MSI2: variants seen among roughly 807,000 people sequenced by gnomAD.
The protein encoded by MSI2 is musashi RNA binding protein 2.
A neutral mutation model predicts 45.6 loss-of-function variants in MSI2; 17 were observed. That is an observed-to-expected ratio of 0.37 (90% confidence interval 0.26 to 0.56). MSI2 has a LOEUF of 0.56. Ranked by LOEUF, MSI2 falls within the 20% of genes least tolerant of loss-of-function variation. The pLI is 0.77. For synonymous variants in MSI2, 156 were observed against 158.2 expected (o/e 0.99, Z 0.11); for missense variants, 293 against 444.2 (o/e 0.66, Z 3.06).
In MSI2 at chr17:57,565,301, G is replaced by A. The variant is rs149638034; in HGVS notation, c.455-31567G>A. 1.6e-3 allele frequency among the ~76,000 whole-genome samples: 249 copies of A among 152,232 alleles called. 1 individual carries two copies. The highest frequency in any genetic ancestry group is 0.011 in the South Asian group (54 of 4,816). ...TAGGATAAGCACAGCATCTGAATTC[G>A]GTTCCAGCCGGCCTTCCCAGCCTCA... On this transcript the variant is annotated intron_variant, in intron 7 of 13. Coordinates refer to ENST00000284073, the MANE Select transcript of MSI2 (RefSeq NM_138962.4).
intron 12 of MSI2, among the ~76,000 whole-genome samples, chr17:57,675,471 G>T (rs1209534924): frequency 6.6e-6 from 1 of 152,212 alleles, no homozygotes; most frequent in Admixed American, 6.5e-5. Context: ...TCAAAAGATT[G>T]TGGGAGGATT....
the MSI2 span, among the ~76,000 whole-genome samples, chr17:57,699,040 AGAGAGTGT>A: frequency 1.6e-4 from 5 of 31,368 alleles, 1 homozygote; most frequent in African/African-American, 6.0e-4. Context: ...AGAGAGAGAG[AGAGAGTGT>A]GTGTGTGTGT....
At chr17:57,668,757 G>A (rs1207596861) in intron 11 of MSI2, among the ~76,000 whole-genome samples, 1 of 152,174 alleles carries the variant, frequency 6.6e-6, no homozygotes, top group Admixed American at 6.5e-5. Context: ...CAGTGAAAAA[G>A]AAATCCCATC....
At chr17:57,591,588 A>T (rs1974693) in intron 7 of MSI2, among the ~76,000 whole-genome samples, 1 of 151,850 alleles carries the variant, frequency 6.6e-6, no homozygotes, top group East Asian at 1.9e-4. Context: ...TTAGCCAGGC[A>T]TGGTGGCACA....
intron 5 of MSI2, among the ~76,000 whole-genome samples, chr17:57,333,303 T>C (rs1473714268): frequency 1.3e-5 from 2 of 152,190 alleles, no homozygotes; most frequent in African/African-American, 2.4e-5. Context: ...GACTACTTTT[T>C]GGAATTATTT....
chr17:57,457,917 G>A (rs1199401529), intron 6 of MSI2, among the ~76,000 whole-genome samples: 1 of 151,474 alleles, frequency 6.6e-6, no homozygotes, highest in Non-Finnish European at 1.5e-5. Context: ...TTTAAAAGAA[G>A]AAATAAAATA....
chr17:57,268,075 T>C (rs1907984639), intron 5 of MSI2: 1 of 152,210 alleles, frequency 6.6e-6, no homozygotes. Context: ...ACTTACCTTT[T>C]CTTTGGTTAA....
chr17:57,373,565 A>G (rs1360369985), intron 5 of MSI2, among the ~76,000 whole-genome samples: 1 of 152,238 alleles, frequency 6.6e-6, no homozygotes, highest in African/African-American at 2.4e-5. Flanking sequence ...ATCAGGAGAT[A>G]CACGGAAACC....
Position 57,627,462 on chromosome 17 carries a change from G to A in MSI2, c.727+159G>A. On this transcript the variant is annotated intron_variant, in intron 10 of 13. Transcript: ENST00000284073. This position sits in a 1 kb window ranked among gnomAD's most constrained non-coding sequence, Gnocchi z 4.6. ...CAAATCCACTGAAGTTCAAGGCCAG[G>A]ATGCAGCTCAGAGTTTTTGATTAAC... is the stretch of plus-strand genomic sequence containing the variant. 1.5e-6 allele frequency: 1 copy of A among 680,864 alleles called. No individual in the cohort carries two copies. The highest frequency in any genetic ancestry group is 2.5e-5 in the Admixed American group (1 of 39,894). The allele number at this position is 680,864 out of a possible 1,614,324, so 42.2% of individuals were successfully genotyped here. A position where few individuals can be genotyped will look rare whatever the true frequency, so the allele number is the denominator to read the frequency against.
chr17:57,677,935 C>A (rs996522623), intron 13 of MSI2, among the ~76,000 whole-genome samples: 2 of 152,124 alleles, frequency 1.3e-5, no homozygotes, highest in African/African-American at 4.8e-5. Context: ...ACTGTGTTAG[C>A]ACGTTAAGTT....
intron 11 of MSI2, among the ~76,000 whole-genome samples, chr17:57,673,712 T>C (rs2240602): frequency 1.4e-5 from 2 of 145,562 alleles, no homozygotes; most frequent in Non-Finnish European, 3.0e-5. Flanking sequence ...AATGATGGGA[T>C]TGGGGGGGCC....
chr17:57,323,772 A>G (rs924380948), intron 5 of MSI2, among the ~76,000 whole-genome samples: 2 of 152,268 alleles, frequency 1.3e-5, no homozygotes, highest in African/African-American at 4.8e-5. Flanking sequence ...TAGGTGGATC[A>G]TGGGGTAGCT....
At chr17:57,275,490 G>A (rs1203842982) in intron 5 of MSI2, among the ~76,000 whole-genome samples, 1 of 152,208 alleles carries the variant, frequency 6.6e-6, no homozygotes, top group Non-Finnish European at 1.5e-5. Flanking sequence ...AAGAAGATTG[G>A]TAGAGCTCAG....
At chr17:57,298,844 C>T (rs935950933) in intron 5 of MSI2, among the ~76,000 whole-genome samples, 2 of 152,200 alleles carry the variant, frequency 1.3e-5, no homozygotes, top group Admixed American at 1.3e-4. Context: ...TCCTTTAAAG[C>T]TTTGAAGCCA....
chr17:57,422,424 C>T (rs545804908), intron 6 of MSI2, among the ~76,000 whole-genome samples: 1 of 152,274 alleles, frequency 6.6e-6, no homozygotes, highest in South Asian at 2.1e-4. Context: ...CGCACCACTG[C>T]ACTCCAGCCT....
rs111461890 is a variant in MSI2, at chr17:57,610,450, T to TAA, written c.538-5507_538-5506dup. Reference sequence around the variant, plus strand: ...CTGAGCGACACAGCAAGACTCCGTCTAAAAAAAAAAAAAATTCTACATATA... The same window carrying TAA: ...CTGAGCGACACAGCAAGACTCCGTCTAAAAAAAAAAAAAAAATTCTACATATA... On this transcript the variant is annotated intron_variant, in intron 8 of 13. Transcript: ENST00000284073. Among the ~76,000 whole-genome samples, 68 of 109,570 alleles carry TAA rather than the reference T, an allele frequency of 6.2e-4. 11 individuals carry two copies. The highest frequency in any genetic ancestry group is 2.2e-3 in the African/African-American group (65 of 30,230). 71.9% of individuals were successfully genotyped at this position (109,570 alleles called of 152,430 possible). A position where few individuals can be genotyped will look rare whatever the true frequency, so the allele number is the denominator to read the frequency against.
chr17:57,413,542 T>C (rs1434096703), intron 6 of MSI2, among the ~76,000 whole-genome samples: 1 of 151,994 alleles, frequency 6.6e-6, no homozygotes, highest in Non-Finnish European at 1.5e-5. Flanking sequence ...TGCCTGGAAA[T>C]TGTCCCAGTA....
At chr17:57,512,885 C>A (rs2086384720) in intron 6 of MSI2, among the ~76,000 whole-genome samples, 1 of 151,778 alleles carries the variant, frequency 6.6e-6, no homozygotes, top group Non-Finnish European at 1.5e-5. Flanking sequence ...TTCTGACCAG[C>A]TCGCTGAGGA....
At chr17:57,273,177 G>A (rs948008313) in intron 5 of MSI2, among the ~76,000 whole-genome samples, 4 of 152,186 alleles carry the variant, frequency 2.6e-5, no homozygotes, top group Admixed American at 6.5e-5. Context: ...AAGATAATTG[G>A]TTTTAGTAAG....
Sources: gnomAD v4.1 joint callset for allele counts (sites outside exome capture counted in the v4.1 genomes callset) on GRCh38, gnomAD v4.1.1 for gene constraint, Gnocchi (gnomAD v3.1) non-coding constraint, MANE v1.5 for transcripts, NCBI Gene and HGNC (gene_info 2026-07-23, HGNC 2026-07-21) for gene names.